PDZRN4: variants seen among roughly 807,000 people sequenced by gnomAD.
The protein encoded by PDZRN4 is PDZ domain-containing RING finger protein 4.
Under a neutral mutation model 99.0 loss-of-function variants are expected in PDZRN4, and 70 were observed. That is an observed-to-expected ratio of 0.71 (90% CI 0.58 to 0.86). The LOEUF is 0.86. PDZRN4 is among the 40% of genes least tolerant of loss of function. PDZRN4 has a pLI of 0.00. For missense variants in PDZRN4, 1,474 were observed against 1,331.2 expected (o/e 1.11, Z -1.67); for synonymous variants, 551 against 501.6 (o/e 1.10, Z -1.32).
chr12:41,468,004 C>T (rs1164480361), intron 3 of PDZRN4, among the ~76,000 whole-genome samples: 1 of 152,116 alleles, frequency 6.6e-6, no homozygotes, highest in Non-Finnish European at 1.5e-5. Context: ...TACTTAGTGC[C>T]AGGCATTGCA....
At chr12:41,247,235 T>C (rs1222262440) in intron 3 of PDZRN4, among the ~76,000 whole-genome samples, 1 of 152,174 alleles carries the variant, frequency 6.6e-6, no homozygotes, top group Non-Finnish European at 1.5e-5. Flanking sequence ...AGAAGAGAAC[T>C]CTGGAAGTAA....
chr12:41,199,786 C>T (rs1410792145), intron 3 of PDZRN4, among the ~76,000 whole-genome samples: 1 of 152,100 alleles, frequency 6.6e-6, no homozygotes, highest in Non-Finnish European at 1.5e-5. Context: ...ACCACATATT[C>T]TCATTTAAAA....
chr12:41,307,163 C>T (rs937376445), intron 3 of PDZRN4, among the ~76,000 whole-genome samples: 4 of 152,090 alleles, frequency 2.6e-5, no homozygotes, highest in Admixed American at 2.0e-4. Flanking sequence ...GTACCAATTC[C>T]TATCTTATTC....
chr12:41,546,489 C>T (rs138626808), intron 5 of PDZRN4, among the ~76,000 whole-genome samples: 182 of 152,154 alleles, frequency 1.2e-3, no homozygotes, highest in Middle Eastern at 3.4e-3. Context: ...GATCTCAGTC[C>T]CATAAAACTG....
chr12:41,417,819 TAGAG>T (rs1435757862), intron 3 of PDZRN4, among the ~76,000 whole-genome samples: 1 of 152,168 alleles, frequency 6.6e-6, no homozygotes, highest in Non-Finnish European at 1.5e-5. Flanking sequence ...GTTGGTTAAA[TAGAG>T]AGAATTGAAC....
intron 3 of PDZRN4, among the ~76,000 whole-genome samples, chr12:41,394,544 A>G (rs1007215102): frequency 6.6e-6 from 1 of 152,190 alleles, no homozygotes; most frequent in Non-Finnish European, 1.5e-5. Flanking sequence ...ATCCAGCAAC[A>G]TCTTAGCTGG....
chr12:41,195,602 G>A (rs1950765985), intron 3 of PDZRN4, among the ~76,000 whole-genome samples: 1 of 151,640 alleles, frequency 6.6e-6, no homozygotes, highest in Non-Finnish European at 1.5e-5. Flanking sequence ...GTTATCTTTT[G>A]CCAAAAAAAA....
At chr12:41,380,404 C>CT (rs1299166825) in intron 3 of PDZRN4, among the ~76,000 whole-genome samples, 1 of 151,876 alleles carries the variant, frequency 6.6e-6, no homozygotes, top group Non-Finnish European at 1.5e-5. Flanking sequence ...CGTTAATTTC[C>CT]TTGTTCCTTT....
At chr12:41,245,735 T>G (rs1157765332) in intron 3 of PDZRN4, among the ~76,000 whole-genome samples, 1 of 152,210 alleles carries the variant, frequency 6.6e-6, no homozygotes, top group Non-Finnish European at 1.5e-5. Flanking sequence ...ACTGTTCCTA[T>G]GCTGAGGAGG....
At chr12:41,373,333 C>G (rs947416485) in intron 3 of PDZRN4, among the ~76,000 whole-genome samples, 2 of 152,098 alleles carry the variant, frequency 1.3e-5, no homozygotes, top group Admixed American at 6.6e-5. Flanking sequence ...TTTCCTCATC[C>G]TAATAAGCCT....
At chr12:41,511,176 A>G (rs902092158) in intron 5 of PDZRN4, among the ~76,000 whole-genome samples, 2 of 151,946 alleles carry the variant, frequency 1.3e-5, no homozygotes, top group Non-Finnish European at 2.9e-5. Flanking sequence ...TTTTATTTGG[A>G]TGCCTTAAAG....
intron 3 of PDZRN4, among the ~76,000 whole-genome samples, chr12:41,309,664 A>G (rs1422439896): frequency 6.6e-6 from 1 of 152,178 alleles, no homozygotes; most frequent in South Asian, 2.1e-4. Flanking sequence ...TAATGGCTGT[A>G]ATATGTAAAG....
At chr12:41,491,225 G>A (rs978052942) in intron 3 of PDZRN4, among the ~76,000 whole-genome samples, 1 of 152,062 alleles carries the variant, frequency 6.6e-6, no homozygotes, top group African/African-American at 2.4e-5. Flanking sequence ...GGACAAATAA[G>A]GTAACCATGA....
chr12:41,283,465 T>C (rs1951402744), intron 3 of PDZRN4, among the ~76,000 whole-genome samples: 1 of 152,216 alleles, frequency 6.6e-6, no homozygotes. Context: ...CTTCTGAAAC[T>C]ATTCTGAACA....
intron 3 of PDZRN4, among the ~76,000 whole-genome samples, chr12:41,206,100 A>G (rs1028959262): frequency 6.6e-6 from 1 of 151,928 alleles, no homozygotes; most frequent in Admixed American, 6.6e-5. Context: ...TTTACCTTCA[A>G]TGGAATGGTC....
At chr12:41,564,366 C>G (rs1565616687) in intron 8 of PDZRN4, among the ~76,000 whole-genome samples, 1 of 152,064 alleles carries the variant, frequency 6.6e-6, no homozygotes, top group Non-Finnish European at 1.5e-5. Flanking sequence ...AAAAAAAGTA[C>G]TATTGGGGCT....
intron 3 of PDZRN4, among the ~76,000 whole-genome samples, chr12:41,198,612 G>A (rs770873648): frequency 4.1e-4 from 54 of 132,986 alleles, no homozygotes; most frequent in Non-Finnish European, 6.7e-4. Flanking sequence ...GACTGTTGTG[G>A]GGTGGGGGGA....
intron 3 of PDZRN4, among the ~76,000 whole-genome samples, chr12:41,288,197 C>T (rs143516887): frequency 4.3e-4 from 65 of 152,140 alleles, no homozygotes; most frequent in African/African-American, 1.4e-3. Flanking sequence ...AGGTAATAAA[C>T]GCAGCCTCTC....
rs11180840 is a variant in PDZRN4, at chr12:41,346,068, A to T, written c.843+151880A>T. On this transcript the variant is annotated intron_variant, in intron 3 of 9. Transcript: ENST00000402685. ...TGATCAATTTCCAATTGTACAGATG[A>T]TGAAAGTGAACACGAGATTAAGCCC... Among the ~76,000 whole-genome samples, 495 of 152,270 alleles carry T rather than the reference A, an allele frequency of 3.3e-3. 18 individuals are homozygous for T. The East Asian group carries it at 0.088, about 27-fold the overall frequency.
Sources: allele counts gnomAD v4.1 joint callset (sites outside exome capture counted in the v4.1 genomes callset), GRCh38; gene constraint gnomAD v4.1.1; transcripts MANE v1.5; gene names NCBI Gene and HGNC (gene_info 2026-07-23, HGNC 2026-07-21).